Variants in AAK1 observed in about 807,000 individuals in gnomAD.
AAK1 encodes AP2-associated protein kinase 1.
A neutral mutation model predicts 116.0 loss-of-function variants in AAK1; 37 were observed. The ratio of observed to expected loss-of-function variants is 0.32; its 90% CI spans 0.25 to 0.42. AAK1 has a LOEUF of 0.42. AAK1 is among the 10% of genes least tolerant of loss of function. The pLI, the probability that AAK1 is intolerant of heterozygous loss-of-function variation, is 1.00. For missense variants in AAK1, 919 were observed against 1,170.6 expected, an observed-to-expected ratio of 0.79 and a Z score of 3.14; for synonymous variants, 458 against 439.9, an observed-to-expected ratio of 1.04 and a Z score of -0.51.
At chr2:69,572,567 C>T (rs553707462) in intron 2 of AAK1, among the ~76,000 whole-genome samples, 1 of 147,294 alleles carries the variant, frequency 6.8e-6, no homozygotes, top group East Asian at 2.0e-4. Context: ...TGCAGTGAGC[C>T]GAGATCATGC....
chr2:69,615,607 T>C (rs1408495663), intron 2 of AAK1, among the ~76,000 whole-genome samples: 1 of 152,236 alleles, frequency 6.6e-6, no homozygotes, highest in Non-Finnish European at 1.5e-5. Context: ...TTTTTGGCTA[T>C]GAATTTGCTC....
At chr2:69,483,835 T>A (rs1464725160) in intron 17 of AAK1, among the ~76,000 whole-genome samples, 1 of 152,242 alleles carries the variant, frequency 6.6e-6, no homozygotes, top group Non-Finnish European at 1.5e-5. Flanking sequence ...GCCACCAGAC[T>A]TGTCACACCT....
intron 5 of AAK1, among the ~76,000 whole-genome samples, chr2:69,539,955 T>C (rs1030675340): frequency 2.0e-5 from 3 of 152,230 alleles, no homozygotes; most frequent in African/African-American, 7.2e-5. Context: ...CATCTATTTC[T>C]GTTTCAAGTC....
At chr2:69,547,649 T>C (rs1179308506) in intron 3 of AAK1, among the ~76,000 whole-genome samples, 1 of 152,184 alleles carries the variant, frequency 6.6e-6, no homozygotes, top group Non-Finnish European at 1.5e-5. Context: ...AATCCTTGTA[T>C]ATTACTAGTA....
At chr2:69,570,685 T>A (rs976145244) in intron 2 of AAK1, among the ~76,000 whole-genome samples, 5 of 152,174 alleles carry the variant, frequency 3.3e-5, no homozygotes, top group African/African-American at 9.7e-5. Flanking sequence ...ATACAGTGCT[T>A]AGCACGTGGT....
chr2:69,605,342 G>A (rs568546716), intron 2 of AAK1, among the ~76,000 whole-genome samples: 8 of 152,298 alleles, frequency 5.3e-5, no homozygotes, highest in South Asian at 4.1e-4. Flanking sequence ...CATGGTATCC[G>A]AACATAGCAT....
chr2:69,587,689 C>A (rs532165681), intron 2 of AAK1, among the ~76,000 whole-genome samples: 1 of 152,154 alleles, frequency 6.6e-6, no homozygotes, highest in South Asian at 2.1e-4. Flanking sequence ...TGGTCTTGAA[C>A]TCCTGACCTC....
chr2:69,479,837 C>A (rs905780389), intron 19 of AAK1, among the ~76,000 whole-genome samples: 1 of 152,158 alleles, frequency 6.6e-6, no homozygotes, highest in Non-Finnish European at 1.5e-5. Flanking sequence ...CTCACCGCAA[C>A]CTCTGCCTTC....
chr2:69,543,664 C>T (rs1670814685), intron 4 of AAK1, among the ~76,000 whole-genome samples: 2 of 152,148 alleles, frequency 1.3e-5, no homozygotes, highest in Admixed American at 1.3e-4. Flanking sequence ...CCTTGGCCTC[C>T]CAAAGTGCTG....
intron 2 of AAK1, among the ~76,000 whole-genome samples, chr2:69,571,386 G>A (rs1156392779): frequency 6.6e-6 from 1 of 152,218 alleles, no homozygotes; most frequent in Admixed American, 6.5e-5. Context: ...GAGGCAGACA[G>A]AAGAAAGACC....
intron 2 of AAK1, among the ~76,000 whole-genome samples, chr2:69,625,283 G>A (rs1674844495): frequency 6.6e-6 from 1 of 152,148 alleles, no homozygotes; most frequent in African/African-American, 2.4e-5. Context: ...GAAGGCACAT[G>A]GATAGCAGCA....
chr2:69,548,170 A>G (rs925263309), intron 3 of AAK1, among the ~76,000 whole-genome samples: 2 of 152,228 alleles, frequency 1.3e-5, no homozygotes, highest in African/African-American at 4.8e-5. Flanking sequence ...GATAGTGGTG[A>G]TGGTTGCACA....
intron 2 of AAK1, among the ~76,000 whole-genome samples, chr2:69,557,796 T>G (rs1671449642): frequency 6.6e-6 from 1 of 152,212 alleles, no homozygotes; most frequent in Non-Finnish European, 1.5e-5. Flanking sequence ...CTAATTTCTA[T>G]TATAAATAGT....
rs77103691 is a variant in AAK1, at chr2:69,559,716, T to G, written c.164-2738A>C. ...GGGCAGAAGGTGGGGTGGTTCTCTC[T>G]CCTATAAAAACCATGTGATACCCTT... On this transcript the variant is annotated intron_variant, in intron 2 of 21. Transcript: ENST00000409085. Among the ~76,000 whole-genome samples, 998 of 152,278 alleles carry G rather than the reference T, an allele frequency of 6.6e-3. 22 individuals are homozygous for G. The highest frequency in any genetic ancestry group is 0.013 in the East Asian group (66 of 5,188).
chr2:69,536,224 G>GGA (rs1001456263), intron 5 of AAK1, among the ~76,000 whole-genome samples: 23 of 152,192 alleles, frequency 1.5e-4, no homozygotes, highest in African/African-American at 5.6e-4. Context: ...AAGGAGAAAG[G>GGA]GAGAGGACCA....
chr2:69,571,778 G>T (rs1293342250), intron 2 of AAK1, among the ~76,000 whole-genome samples: 1 of 152,186 alleles, frequency 6.6e-6, no homozygotes, highest in East Asian at 1.9e-4. Flanking sequence ...TTTGGGAAAG[G>T]ACAGACACAG....
intron 13 of AAK1, 35 bp downstream of exon 13, chr2:69,514,436 C>T (rs1676504985): frequency 6.7e-7 from 1 of 1,497,326 alleles, no homozygotes; most frequent in Non-Finnish European, 8.9e-7. Flanking sequence ...CATTCCTCTG[C>T]TGCTTTTGTG....
chr2:69,557,712 A>G (rs747362524), intron 2 of AAK1, among the ~76,000 whole-genome samples: 4 of 152,224 alleles, frequency 2.6e-5, no homozygotes, highest in Non-Finnish European at 5.9e-5. Flanking sequence ...CATCTGATTC[A>G]AACCAAAAAC....
At chr2:69,605,426 T>A (rs1673758634) in intron 2 of AAK1, among the ~76,000 whole-genome samples, 1 of 152,218 alleles carries the variant, frequency 6.6e-6, no homozygotes, top group Non-Finnish European at 1.5e-5. Flanking sequence ...TTCTTATGCA[T>A]TTTTTCTAAC....
Sources: gnomAD v4.1 joint callset for allele counts (sites outside exome capture counted in the v4.1 genomes callset) on GRCh38, gnomAD v4.1.1 for gene constraint, MANE v1.5 for transcripts, NCBI Gene and HGNC (gene_info 2026-07-23, HGNC 2026-07-21) for gene names.